The following CMYA5 variants were observed in gnomAD, a reference collection of about 807,000 sequenced individuals.
The protein encoded by CMYA5 is cardiomyopathy-associated protein 5.
CMYA5 carries 246 observed loss-of-function variants against 318.9 expected under a neutral mutation model. The observed-to-expected ratio is 0.77, with a 90% CI of 0.70 to 0.86. CMYA5 has a LOEUF of 0.86. Among genes scored for constraint, CMYA5 ranks in the 40% least tolerant of loss-of-function variants. The pLI, the probability that CMYA5 is intolerant of heterozygous loss-of-function variation, is 0.00. For synonymous variants in CMYA5, 1,641 were observed against 1,729.5 expected (o/e 0.95, Z 1.27); for missense variants, 4,589 against 4,678.2 (o/e 0.98, Z 0.56).
At chr5:79,722,974 A>T (rs1479706734) in intron 1 of CMYA5, among the ~76,000 whole-genome samples, 1 of 152,222 alleles carries the variant, frequency 6.6e-6, no homozygotes, top group Non-Finnish European at 1.5e-5. Context: ...CCTTACCACG[A>T]AAAGGACTCC....
rs756826254 is a variant in CMYA5, at chr5:79,799,371, T to C, written c.11965T>C (p.Tyr3989His). The C allele has an allele frequency of 6.3e-6, 10 of 1,588,812 alleles. No homozygotes were observed. Among genetic ancestry groups the C allele is most frequent in the Non-Finnish European group, 7.8e-6 (9 of 1,160,760 alleles). Residue 3989 changes from tyrosine (Y) to histidine (H), a missense_variant and splice_region_variant, in exon 13 of 13, where the codon TAC (tyrosine) becomes CAC (histidine). Tyr to His is a moderately conservative substitution (Grantham distance 83, BLOSUM62 2). Transcript: ENST00000446378. ...GTTTCCCATTCGCTTTCATTTCAGA[T>C]ACACATTTTTCTACAGTGGTATTGT... ...WYMHCSEPQR[Y>H]TFFYSGIVSD...
Position 79,737,480 on chromosome 5 carries a change from T to TA in CMYA5, c.8719dup (p.Met2907AsnfsTer4). 1 of 1,613,732 alleles carries TA rather than the reference T, an allele frequency of 6.2e-7. No individual in the cohort carries two copies. The highest frequency in any genetic ancestry group is 8.5e-7 in the Non-Finnish European group (1 of 1,179,802). ...CTAATACATCAGCAAGCAATGCTGA[T>TA]AAAATGGTTTCTAATAAAGAAATGC... is the stretch of plus-strand genomic sequence containing the variant. On this transcript the variant is annotated frameshift_variant, in exon 2 of 13. Coordinates refer to ENST00000446378, the MANE Select transcript of CMYA5 (RefSeq NM_153610.5). LOFTEE classifies it high-confidence loss of function.
At chr5:79,701,987 C>T (rs183294910) in intron 1 of CMYA5, among the ~76,000 whole-genome samples, 188 of 152,112 alleles carry the variant, frequency 1.2e-3, no homozygotes, top group African/African-American at 4.3e-3. Context: ...ATTAGCGGGG[C>T]GTGGTGGCGG....
chr5:79,692,656 T>A (rs957106916), intron 1 of CMYA5, among the ~76,000 whole-genome samples: 1 of 152,210 alleles, frequency 6.6e-6, no homozygotes, highest in Non-Finnish European at 1.5e-5. Context: ...TCCTAATTCA[T>A]AAGGTTGTCA....
At chr5:79,708,902 C>T (rs1286975500) in intron 1 of CMYA5, among the ~76,000 whole-genome samples, 1 of 152,138 alleles carries the variant, frequency 6.6e-6, no homozygotes, top group Non-Finnish European at 1.5e-5. Context: ...CCACCATACT[C>T]CACTCTGTCA....
At chr5:79,690,178 G>T in intron 1 of CMYA5, 122 bp downstream of exon 1, 1 of 1,312,342 alleles carries the variant, frequency 7.6e-7, no homozygotes, top group South Asian at 1.9e-5. Context: ...TTTCTCTCTG[G>T]GTGCACTGTC....
Position 79,737,743 on chromosome 5 carries a change from A to G in CMYA5, c.8978A>G (p.Asp2993Gly), listed in dbSNP as rs754367651. 6.2e-7 allele frequency: 1 copy of G among 1,611,774 alleles called. No individual in the cohort carries two copies. Among genetic ancestry groups the G allele is most frequent in the East Asian group, 2.2e-5 (1 of 44,860 alleles). ...TCATTTAAAACCATACCACTCCCTG[A>G]TGATAGTGAAACAGTTGCTTGTCAT... The part of the protein sequence containing the change: ...KASFKTIPLP[D>G]DSETVACHKT... The change falls in exon 2 of 13, where the codon GAT becomes GGT. Residue 2993 changes from aspartate (D) to glycine (G), a missense_variant. Physicochemically the swap from Asp to Gly is moderately conservative, Grantham distance 94. This residue lies in a region of CMYA5 where 2,431 missense variants were observed against 2,495.1 expected (regional missense o/e 0.97). Coordinates refer to ENST00000446378, the MANE Select transcript of CMYA5 (RefSeq NM_153610.5).
chr5:79,797,790 AC>A (rs1417090936), intron 12 of CMYA5, among the ~76,000 whole-genome samples: 1 of 152,106 alleles, frequency 6.6e-6, no homozygotes, highest in Non-Finnish European at 1.5e-5. Flanking sequence ...TCCTGTCCAA[AC>A]CCAAGAGGCC....
intron 9 of CMYA5, among the ~76,000 whole-genome samples, chr5:79,785,595 G>C (rs1285549520): frequency 6.6e-6 from 1 of 151,534 alleles, no homozygotes; most frequent in Non-Finnish European, 1.5e-5. Flanking sequence ...GTATATAAAG[G>C]CTTTTGATTT....
rs941985824 is a variant in CMYA5 at position 79,793,432 on chromosome 5, C to T, written c.11790-5C>T. ...TGAGCATACTCTGATTGACTTCACCCACAGAATCCCGTCAGTGCTGGGTGA... is the reference window on the plus strand; with the variant it reads ...TGAGCATACTCTGATTGACTTCACCTACAGAATCCCGTCAGTGCTGGGTGA... On this transcript the variant is annotated splice_polypyrimidine_tract_variant and splice_region_variant and intron_variant, in intron 11 of 12. Coordinates refer to ENST00000446378, the MANE Select transcript of CMYA5 (RefSeq NM_153610.5). The T allele has an allele frequency of 2.2e-5, 35 of 1,607,468 alleles. No individual in the cohort carries two copies. Among genetic ancestry groups the T allele is most frequent in the Non-Finnish European group, 2.8e-5 (33 of 1,174,970 alleles).
chr5:79,758,399 G>A (rs1828572964), intron 6 of CMYA5, among the ~76,000 whole-genome samples: 1 of 151,708 alleles, frequency 6.6e-6, no homozygotes, highest in African/African-American at 2.4e-5. Flanking sequence ...AGGTGTGGTG[G>A]CAGGCGCCTA....
rs758402990 is a variant in CMYA5 at position 79,731,157 on chromosome 5, A to G, written c.2392A>G (p.Ile798Val). Residue 798 changes from isoleucine to valine, a missense_variant, in exon 2 of 13, where the codon ATC becomes GTC. Physicochemically the swap from Ile to Val is conservative, Grantham distance 29 (BLOSUM62 3). Transcript: ENST00000446378. ...ACGTTTCACACCGGATTCAAAGTTG[A>G]TCTCCAAATATGCAGCCCCACTCAA... is the stretch of plus-strand genomic sequence containing the variant. ...SERFTPDSKL[I>V]SKYAAPLNAT... The G allele has an allele frequency of 1.2e-6, 2 of 1,613,986 alleles. No individual in the cohort carries two copies. Among genetic ancestry groups the G allele is most frequent in the South Asian group, 1.1e-5 (1 of 91,074 alleles).
chr5:79,799,908 A>G lies in CMYA5; in HGVS notation c.*292A>G. 1 of 229,722 alleles carries G rather than the reference A, an allele frequency of 4.4e-6. No individual in the cohort carries two copies. The highest frequency in any genetic ancestry group is 7.4e-5 in the South Asian group (1 of 13,598). The allele number at this position is 229,722 out of a possible 1,614,324, so 14.2% of individuals were successfully genotyped here. On this transcript the variant is annotated 3_prime_UTR_variant, in exon 13 of 13. Coordinates refer to ENST00000446378, the MANE Select transcript of CMYA5 (RefSeq NM_153610.5). ...CTTGAGTTGGGAACCGAAAGAGAAA[A>G]ATGGACTTCCATCTGTTTTACTGGT...
chr5:79,731,620 T>A lies in CMYA5; in HGVS notation c.2855T>A (p.Val952Glu), dbSNP rs781725144. The change falls in exon 2 of 13, where the codon GTG becomes GAG. Residue 952 changes from valine (V) to glutamate (E), a missense_variant. By Grantham distance (121) the Val-to-Glu change is moderately radical. This residue lies in a region of CMYA5 where 2,132 missense variants were observed against 2,131.3 expected (regional missense o/e 1.00). Coordinates refer to ENST00000446378, the MANE Select transcript of CMYA5 (RefSeq NM_153610.5). ...CCTTTTTCTCCAGATTCTGCATTTG[T>A]GTCAGAATTCTCATTTCCACCGTAT... ...IGPFSPDSAF[V>E]SEFSFPPYAT... The A allele has an allele frequency of 6.2e-7, 1 of 1,613,870 alleles. No individual in the cohort carries two copies. Among genetic ancestry groups the A allele is most frequent in the African/African-American group, 1.3e-5 (1 of 75,054 alleles).
Position 79,734,215 on chromosome 5 carries a change from T to C in CMYA5, c.5450T>C (p.Leu1817Pro), listed in dbSNP as rs1474035901. 2 of 1,613,660 alleles carry C rather than the reference T, an allele frequency of 1.2e-6. No homozygotes were observed. The highest frequency in any genetic ancestry group is 4.5e-5 in the East Asian group (2 of 44,892). Residue 1817 changes from leucine (L) to proline (P), a missense_variant, in exon 2 of 13, where the codon CTC becomes CCC. Around this residue, in one of 3 missense-constraint regions of CMYA5, gnomAD observed 2,132 missense variants for 2,131.3 expected, o/e 1.00. Transcript: ENST00000446378. ...CCATCAAAGATTGCTCCTTCTGACCTCCTTGTAGAACAAAAAAAGACAGAA... is the reference window on the plus strand; with the variant it reads ...CCATCAAAGATTGCTCCTTCTGACCCCCTTGTAGAACAAAAAAAGACAGAA... ...TEPSKIAPSD[L>P]LVEQKKTEKA...
chr5:79,785,911 C>T (rs1480301798), intron 9 of CMYA5, among the ~76,000 whole-genome samples: 1 of 152,168 alleles, frequency 6.6e-6, no homozygotes, highest in African/African-American at 2.4e-5. Context: ...TCCAGTTGCT[C>T]CTTGCCAAAA....
chr5:79,795,803 A>T (rs1012117927), intron 12 of CMYA5, among the ~76,000 whole-genome samples: 1 of 152,114 alleles, frequency 6.6e-6, no homozygotes, highest in Non-Finnish European at 1.5e-5. Flanking sequence ...TCAAGGGAGT[A>T]AGGGTCCTCA....
intron 1 of CMYA5, among the ~76,000 whole-genome samples, chr5:79,702,729 G>A (rs1827197088): frequency 1.3e-5 from 2 of 152,094 alleles, no homozygotes; most frequent in Non-Finnish European, 2.9e-5. Flanking sequence ...CCATTGAATG[G>A]TACACTTTAA....
chr5:79,790,715 A>G (rs1829161386), intron 10 of CMYA5, among the ~76,000 whole-genome samples: 2 of 152,238 alleles, frequency 1.3e-5, no homozygotes, highest in Non-Finnish European at 2.9e-5. Flanking sequence ...TGCAAGGAGC[A>G]CACTGCACAG....
Sources: allele counts gnomAD v4.1 joint callset (sites outside exome capture counted in the v4.1 genomes callset), GRCh38; gene constraint gnomAD v4.1.1; regional missense constraint gnomAD v4.1.1; transcripts MANE v1.5; gene names NCBI Gene and HGNC (gene_info 2026-07-23, HGNC 2026-07-21).